The following RIMS1 variants were observed in gnomAD, a reference collection of about 807,000 sequenced individuals.
RIMS1 encodes the protein regulating synaptic membrane exocytosis protein 1.
A neutral mutation model predicts 214.1 loss-of-function variants in RIMS1; 83 were observed. The observed-to-expected ratio is 0.39, with a 90% CI of 0.32 to 0.47. RIMS1 has a LOEUF of 0.47. Among genes scored for constraint, RIMS1 ranks in the 20% least tolerant of loss-of-function variants. The pLI, the probability that RIMS1 is intolerant of heterozygous loss-of-function variation, is 0.99. For missense variants in RIMS1, 2,050 were observed against 2,161.8 expected, an observed-to-expected ratio of 0.95 and a Z score of 1.03; for synonymous variants, 793 against 786.8, an observed-to-expected ratio of 1.01 and a Z score of -0.13.
chr6:72,043,427 A>C (rs962562548), intron 2 of RIMS1, among the ~76,000 whole-genome samples: 1 of 151,888 alleles, frequency 6.6e-6, no homozygotes, highest in Non-Finnish European at 1.5e-5. Context: ...ACTAGTGGAA[A>C]GTTCCTGATG....
intron 2 of RIMS1, among the ~76,000 whole-genome samples, chr6:72,000,022 G>A (rs972330788): frequency 4.0e-5 from 6 of 151,860 alleles, no homozygotes; most frequent in African/African-American, 7.3e-5. Flanking sequence ...CATATTTTTA[G>A]CATTGATGAA....
At chr6:72,196,389 AT>A (rs2050918566) in intron 6 of RIMS1, among the ~76,000 whole-genome samples, 1 of 149,030 alleles carries the variant, frequency 6.7e-6, no homozygotes, top group African/African-American at 2.5e-5. Context: ...CTATCTATCT[AT>A]CTATCTATCT....
intron 4 of RIMS1, among the ~76,000 whole-genome samples, chr6:72,154,027 G>T (rs2044101469): frequency 2.0e-5 from 3 of 151,952 alleles, no homozygotes; most frequent in Non-Finnish European, 2.9e-5. Context: ...TCTTGAATAT[G>T]CAAGTAATTA....
chr6:71,968,957 G>A (rs374492054), intron 1 of RIMS1, 26 bp from the exon 2 acceptor site: 429 of 1,597,616 alleles, frequency 2.7e-4, no homozygotes, highest in Non-Finnish European at 3.5e-4. Context: ...TTAATAGTGC[G>A]TTGTGCTGTC....
chr6:71,980,716 A>T lies in RIMS1; in HGVS notation c.245+11653A>T, dbSNP rs974033322. Reference sequence around the variant, plus strand: ...TGGAGAAAAAGGGACCAATTAGTAGATGATTAAAATAGATGAGACATGGCT... The same window carrying T: ...TGGAGAAAAAGGGACCAATTAGTAGTTGATTAAAATAGATGAGACATGGCT... On this transcript the variant is annotated intron_variant, in intron 2 of 33. Transcript: ENST00000521978. 2.0e-5 allele frequency among the ~76,000 whole-genome samples: 3 copies of T among 152,218 alleles called. No homozygotes were observed. The East Asian group carries it at 5.8e-4, about 29-fold the overall frequency.
chr6:72,164,339 T>C (rs2463741), intron 4 of RIMS1, among the ~76,000 whole-genome samples: 104,809 of 151,526 alleles, frequency 0.69, 36,714 homozygotes, highest in East Asian at 0.84. Context: ...TTGTGCTTCC[T>C]GGGTGAGGCA....
At chr6:72,098,761 A>G (rs1192835126) in intron 3 of RIMS1, among the ~76,000 whole-genome samples, 1 of 152,116 alleles carries the variant, frequency 6.6e-6, no homozygotes, top group Non-Finnish European at 1.5e-5. Flanking sequence ...GGTCTTTATG[A>G]TATGTATATT....
intron 29 of RIMS1, among the ~76,000 whole-genome samples, chr6:72,386,981 G>A (rs527941927): frequency 1.5e-4 from 23 of 151,984 alleles, no homozygotes; most frequent in Admixed American, 4.6e-4. Context: ...TGATCCACCC[G>A]CCTCGGCCTC....
chr6:72,307,324 C>A lies in RIMS1; in HGVS notation c.3917C>A (p.Thr1306Lys). The A allele has an allele frequency of 6.2e-7, 1 of 1,605,924 alleles. No individual in the cohort carries two copies. Among genetic ancestry groups the A allele is most frequent in the South Asian group, 1.1e-5 (1 of 88,708 alleles). Residue 1306 changes from threonine to lysine, a missense_variant, in exon 27 of 34, where the codon ACA (threonine) becomes AAA (lysine). Physicochemically the swap from Thr to Lys is moderately conservative, Grantham distance 78. Around this residue, in one of 6 missense-constraint regions of RIMS1, gnomAD observed 889 missense variants for 885.5 expected, o/e 1.00. Transcript: ENST00000521978. ...AAAGTGCATCGATTTAAGCAGACAA[C>A]AGGGTCTGGTTCTAGTCAAGAACTT... ...KMKVHRFKQTTGSGSSQELDR... is the reference protein window; with the variant it reads ...KMKVHRFKQTKGSGSSQELDR...
chr6:72,139,032 A>G (rs1457538715), intron 4 of RIMS1, among the ~76,000 whole-genome samples: 2 of 152,232 alleles, frequency 1.3e-5, no homozygotes, highest in African/African-American at 4.8e-5. Context: ...ACAAACATAA[A>G]TGCATATAAC....
chr6:72,011,828 C>T (rs1461796444), intron 2 of RIMS1, among the ~76,000 whole-genome samples: 1 of 152,148 alleles, frequency 6.6e-6, no homozygotes, highest in African/African-American at 2.4e-5. Flanking sequence ...AGTCAGGAAA[C>T]AACAGGTGCT....
chr6:72,388,513 C>G (rs529761442), intron 29 of RIMS1, among the ~76,000 whole-genome samples: 4 of 152,268 alleles, frequency 2.6e-5, no homozygotes, highest in Admixed American at 2.6e-4. Flanking sequence ...ATGATATATT[C>G]AGATTTACAT....
chr6:72,183,799 A>G (rs1035305469), intron 6 of RIMS1, among the ~76,000 whole-genome samples: 1 of 152,326 alleles, frequency 6.6e-6, no homozygotes, highest in East Asian at 1.9e-4. Flanking sequence ...TAGGTATGTC[A>G]TGAATGCATA....
At chr6:72,142,076 C>T (rs1472073622) in intron 4 of RIMS1, among the ~76,000 whole-genome samples, 2 of 151,764 alleles carry the variant, frequency 1.3e-5, no homozygotes. Context: ...TGTATGATGT[C>T]CTATAAGAGA....
At chr6:71,978,704 T>C (rs1455546331) in intron 2 of RIMS1, among the ~76,000 whole-genome samples, 1 of 152,116 alleles carries the variant, frequency 6.6e-6, no homozygotes, top group Non-Finnish European at 1.5e-5. Context: ...AAAATTGCAT[T>C]GAGTCTTAAT....
intron 10 of RIMS1, among the ~76,000 whole-genome samples, chr6:72,245,151 G>A (rs2068836954): frequency 6.6e-6 from 1 of 151,726 alleles, no homozygotes; most frequent in South Asian, 2.1e-4. Flanking sequence ...TGGCAGGAAT[G>A]GGTGGTCTCA....
chr6:72,025,966 A>G (rs1475913821), intron 2 of RIMS1, among the ~76,000 whole-genome samples: 3 of 152,214 alleles, frequency 2.0e-5, no homozygotes, highest in Non-Finnish European at 1.5e-5. Flanking sequence ...TATCCTCCCA[A>G]GATGGCAGCT....
chr6:71,938,745 T>A lies in RIMS1; in HGVS notation c.165-30238T>A, dbSNP rs565595574. Among the ~76,000 whole-genome samples the A allele has an allele frequency of 2.6e-5, 4 of 152,290 alleles. No individual in the cohort carries two copies. In the South Asian group the frequency reaches 8.3e-4, roughly 32 times the overall value. On this transcript the variant is annotated intron_variant, in intron 1 of 33. Coordinates refer to ENST00000521978, the MANE Select transcript of RIMS1 (RefSeq NM_014989.7). ...CTGTGATGGGAGGGGCAACCTTGAA[T>A]GTCTCTGAAATGCTTTTAGGGTCTT... is the stretch of plus-strand genomic sequence containing the variant.
At chr6:72,250,554 A>G in intron 13 of RIMS1, 94 bp downstream of exon 13, 2 of 916,796 alleles carry the variant, frequency 2.2e-6, no homozygotes, top group South Asian at 3.6e-5. Context: ...AAAATATAAT[A>G]GATAATTCTG....
Sources: allele counts gnomAD v4.1 joint callset (sites outside exome capture counted in the v4.1 genomes callset), GRCh38; gene constraint gnomAD v4.1.1; regional missense constraint gnomAD v4.1.1; transcripts MANE v1.5; gene names NCBI Gene and HGNC (gene_info 2026-07-23, HGNC 2026-07-21).